Variants in ANKFN1 observed in about 807,000 individuals in gnomAD.
ANKFN1 encodes ankyrin repeat and fibronectin type III domain containing 1, also known as ankyrin repeat and fibronectin type-III domain-containing protein 1.
ANKFN1 carries 74 observed loss-of-function variants against 108.7 expected under a neutral mutation model. The observed-to-expected ratio is 0.68, with a 90% CI of 0.56 to 0.83. The LOEUF is 0.83. Ranked by LOEUF, ANKFN1 falls within the 40% of genes least tolerant of loss-of-function variation. The pLI is 0.00. For missense variants in ANKFN1, 1,505 were observed against 1,382.3 expected, an observed-to-expected ratio of 1.09 and a Z score of -1.41; for synonymous variants, 547 against 516.2, an observed-to-expected ratio of 1.06 and a Z score of -0.81.
At chr17:56,127,667 A>G (rs1907018098) in intron 4 of ANKFN1, among the ~76,000 whole-genome samples, 1 of 152,130 alleles carries the variant, frequency 6.6e-6, no homozygotes, top group Non-Finnish European at 1.5e-5. Context: ...TTCTGCTCAT[A>G]ATGCATTAGT....
chr17:56,499,636 C>T (rs933057123), intron 20 of ANKFN1, among the ~76,000 whole-genome samples: 1 of 152,106 alleles, frequency 6.6e-6, no homozygotes, highest in African/African-American at 2.4e-5. Context: ...GAAACTGAGT[C>T]CATGTAAGTA....
rs1487426501 is a variant in ANKFN1 at position 56,510,608 on chromosome 17, A to T, written c.2780A>T (p.Gln927Leu). 2 of 1,536,216 alleles carry T rather than the reference A, an allele frequency of 1.3e-6. No individual in the cohort carries two copies. The highest frequency in any genetic ancestry group is 1.7e-6 in the Non-Finnish European group (2 of 1,146,918). ...CTATCATCTCACGACATTGCGCAGC[A>T]GACCCTTAGCGGCCTAAGCGGCAGC... is the stretch of plus-strand genomic sequence containing the variant. ...VYLSSHDIAQQTLSGLSGSAP... is the reference protein window; with the variant it reads ...VYLSSHDIAQLTLSGLSGSAP... The change falls in exon 21 of 21, where the codon CAG (glutamine) becomes CTG (leucine). Residue 927 changes from glutamine (Q) to leucine (L), a missense_variant. Transcript: ENST00000682825.
In ANKFN1 at chr17:56,480,568, G is replaced by A; in HGVS notation, c.1941-100G>A. 5.6e-6 allele frequency: 7 copies of A among 1,248,366 alleles called. No homozygotes were observed. In the East Asian group the frequency reaches 1.6e-4, roughly 29 times the overall value. The allele number at this position is 1,248,366 out of a possible 1,614,324, so 77.3% of individuals were successfully genotyped here. A position where few individuals can be genotyped will look rare whatever the true frequency, so the allele number is the denominator to read the frequency against. ...AATTACACTGAGTTTTAACCACCAA[G>A]CATTGGTTATCCAGGTTCTGGACAC... On this transcript the variant is annotated intron_variant, in intron 16 of 20. Transcript: ENST00000682825.
At position 56,165,025 on chromosome 17, in the gene ANKFN1, A is replaced by G. The variant is rs114800753; in HGVS notation, c.-71+11495A>G. On this transcript the variant is annotated intron_variant, in intron 1 of 20. Transcript: ENST00000682825. ...CTGGACAACTTAGTTAATGTTTCAG[A>G]GCCCACCTAATTTGCTTTTCATCCT... Among the ~76,000 whole-genome samples, 552 of 152,350 alleles carry G rather than the reference A, an allele frequency of 3.6e-3. 6 individuals carry two copies. Among genetic ancestry groups the G allele is most frequent in the African/African-American group, 0.013 (530 of 41,580 alleles).
chr17:56,154,642 C>CAAAA, intron 1 of ANKFN1, among the ~76,000 whole-genome samples: 1 of 134,066 alleles, frequency 7.5e-6, no homozygotes, highest in Admixed American at 7.6e-5. Flanking sequence ...ATGCCAACAC[C>CAAAA]AAAAAAAAAA....
At chr17:56,475,960 G>A (rs959826927) in intron 15 of ANKFN1, among the ~76,000 whole-genome samples, 1 of 152,180 alleles carries the variant, frequency 6.6e-6, no homozygotes, top group Non-Finnish European at 1.5e-5. Flanking sequence ...GTATGCCTGA[G>A]AGGCCTCAGT....
chr17:56,468,436 T>A (rs955990602), intron 15 of ANKFN1, among the ~76,000 whole-genome samples: 1 of 151,872 alleles, frequency 6.6e-6, no homozygotes, highest in Admixed American at 6.6e-5. Flanking sequence ...GTTTTTTTTT[T>A]AATCCAGTGA....
At position 56,477,645 on chromosome 17, in the gene ANKFN1, A is replaced by T. The variant is rs753796327; in HGVS notation, c.1931A>T (p.Asn644Ile). The T allele has an allele frequency of 1.2e-6, 2 of 1,612,434 alleles. No individual in the cohort carries two copies. Among genetic ancestry groups the T allele is most frequent in the Non-Finnish European group, 1.7e-6 (2 of 1,179,472 alleles). Reference protein sequence around the residue: ...LCHVKIRENNNISREEWEWIQ... With the variant: ...LCHVKIRENNIISREEWEWIQ... ...CACGTGAAGATCCGTGAAAACAATAATATTTCTAGGTAAGTGATCAGGAGT... is the reference window on the plus strand; with the variant it reads ...CACGTGAAGATCCGTGAAAACAATATTATTTCTAGGTAAGTGATCAGGAGT... The change falls in exon 16 of 21, where the codon AAT (asparagine) becomes ATT (isoleucine). Residue 644 changes from asparagine (N) to isoleucine (I), a missense_variant. Physicochemically the swap from Asn to Ile is moderately radical, Grantham distance 149 (BLOSUM62 -3). Coordinates refer to ENST00000682825, the MANE Select transcript of ANKFN1 (RefSeq NM_001370326.1).
At chr17:56,207,944 G>A (rs138846961) in intron 1 of ANKFN1, among the ~76,000 whole-genome samples, 21 of 152,212 alleles carry the variant, frequency 1.4e-4, no homozygotes, top group African/African-American at 4.6e-4. Flanking sequence ...ACCCATCAGC[G>A]CAAAATCTGA....
intron 14 of ANKFN1, among the ~76,000 whole-genome samples, chr17:56,464,560 T>A (rs1278677385): frequency 1.3e-5 from 2 of 152,130 alleles, no homozygotes; most frequent in Non-Finnish European, 1.5e-5. Context: ...AGAGGGATGG[T>A]AAAGTCTTCC....
chr17:56,249,642 C>T (rs1262775063), intron 3 of ANKFN1, among the ~76,000 whole-genome samples: 1 of 151,948 alleles, frequency 6.6e-6, no homozygotes, highest in African/African-American at 2.4e-5. Context: ...CTAGACTTAC[C>T]AAGTTGCAGC....
chr17:56,384,096 C>A, intron 8 of ANKFN1, among the ~76,000 whole-genome samples: 1 of 152,018 alleles, frequency 6.6e-6, no homozygotes. Flanking sequence ...ACTGGCAAAC[C>A]AAATCCAGCA....
chr17:56,228,139 T>C (rs1016484752), intron 3 of ANKFN1, 182 bp downstream of exon 3: 1 of 530,968 alleles, frequency 1.9e-6, no homozygotes, highest in Non-Finnish European at 3.2e-6. Context: ...AGAAACCAAT[T>C]TGGAAGCAGA....
rs546380776 is a variant in ANKFN1, at chr17:56,506,484, G to A, written c.2645-3989G>A. ...CTGACAGCCACCAGAAGCTAGAAGA[G>A]GCAAGAGAAAGTATTCTCCCCCTAG... On this transcript the variant is annotated intron_variant, in intron 20 of 20. Coordinates refer to ENST00000682825, the MANE Select transcript of ANKFN1 (RefSeq NM_001370326.1). 3.9e-5 allele frequency among the ~76,000 whole-genome samples: 6 copies of A among 152,096 alleles called. No homozygotes were observed. In the East Asian group the frequency reaches 9.7e-4, roughly 24 times the overall value.
intron 6 of ANKFN1, among the ~76,000 whole-genome samples, chr17:56,365,702 A>G (rs2046642725): frequency 6.6e-6 from 1 of 152,198 alleles, no homozygotes; most frequent in Non-Finnish European, 1.5e-5. Flanking sequence ...AAAAATTCCT[A>G]TTGCTTAATG....
chr17:56,155,694 T>C (rs1175689183), intron 1 of ANKFN1, among the ~76,000 whole-genome samples: 1 of 152,032 alleles, frequency 6.6e-6, no homozygotes, highest in Non-Finnish European at 1.5e-5. Context: ...CAAAGCAAGG[T>C]GCCTGGGGCA....
At chr17:56,122,142 T>G (rs1464173130) in intron 4 of ANKFN1, among the ~76,000 whole-genome samples, 1 of 152,168 alleles carries the variant, frequency 6.6e-6, no homozygotes, top group African/African-American at 2.4e-5. Context: ...TTCCGAGACT[T>G]GGACAGCTTT....
chr17:56,229,193 A>C (rs1445585399), intron 3 of ANKFN1, among the ~76,000 whole-genome samples: 1 of 152,132 alleles, frequency 6.6e-6, no homozygotes, highest in Non-Finnish European at 1.5e-5. Flanking sequence ...TTAAAATGTC[A>C]GTCTCTGTAT....
At chr17:56,490,159 A>G (rs11654979) in intron 18 of ANKFN1, among the ~76,000 whole-genome samples, 3,303 of 152,332 alleles carry the variant, frequency 0.022, 53 homozygotes, top group Middle Eastern at 0.075. Context: ...CAAAGAAATC[A>G]CAATCTAATG....
Sources: allele counts gnomAD v4.1 joint callset (sites outside exome capture counted in the v4.1 genomes callset), GRCh38; gene constraint gnomAD v4.1.1; transcripts MANE v1.5; gene names NCBI Gene and HGNC (gene_info 2026-07-23, HGNC 2026-07-21).